The following PCDH15 variants were observed in gnomAD, a reference collection of about 807,000 sequenced individuals.
The protein encoded by PCDH15 is protocadherin related 15.
Under a neutral mutation model 178.5 loss-of-function variants are expected in PCDH15, and 129 were observed. That is an observed-to-expected ratio of 0.72 (90% CI 0.63 to 0.84). The LOEUF (loss-of-function observed/expected upper bound fraction) is 0.84, where lower values mean the gene tolerates loss of function less well. Among genes scored for constraint, PCDH15 ranks in the 40% least tolerant of loss-of-function variants. PCDH15 has a pLI of 0.00. For synonymous variants in PCDH15, 800 were observed against 732.0 expected (o/e 1.09, Z -1.50); for missense variants, 2,230 against 2,099.9 (o/e 1.06, Z -1.21).
chr10:53,986,536 T>G (rs1482024531), intron 21 of PCDH15, among the ~76,000 whole-genome samples: 1 of 152,250 alleles, frequency 6.6e-6, no homozygotes, highest in East Asian at 1.9e-4. Flanking sequence ...CCATGTGTAC[T>G]GAAGCATTAT....
intron 1 of PCDH15, among the ~76,000 whole-genome samples, chr10:55,219,664 T>C (rs1840812966): frequency 6.6e-6 from 1 of 151,804 alleles, no homozygotes; most frequent in Admixed American, 6.6e-5. Flanking sequence ...TCACAAAAGT[T>C]TTAAGGAAAA....
chr10:55,448,619 A>C (rs1051862620), intron 2 of PCDH15, among the ~76,000 whole-genome samples: 1 of 152,018 alleles, frequency 6.6e-6, no homozygotes, highest in Non-Finnish European at 1.5e-5. Flanking sequence ...TGAAAGGGCA[A>C]TGATTAACTA....
intron 2 of PCDH15, among the ~76,000 whole-genome samples, chr10:55,618,658 A>G (rs1022484404): frequency 5.9e-5 from 9 of 152,062 alleles, no homozygotes; most frequent in African/African-American, 2.2e-4. Context: ...AAGTCTTGTG[A>G]TACTCATGTG....
chr10:54,015,569 C>G (rs1216212142), intron 20 of PCDH15, among the ~76,000 whole-genome samples: 1 of 152,070 alleles, frequency 6.6e-6, no homozygotes, highest in African/African-American at 2.4e-5. Context: ...ACCAATGGAA[C>G]AGAATAGAGA....
At chr10:55,401,064 G>A (rs1349001658) in intron 2 of PCDH15, among the ~76,000 whole-genome samples, 18 of 152,076 alleles carry the variant, frequency 1.2e-4, no homozygotes, top group Non-Finnish European at 1.5e-5. Context: ...AGATTAAGTA[G>A]ACATTTTATG....
At chr10:54,455,747 C>T (rs1409077967) in intron 3 of PCDH15, among the ~76,000 whole-genome samples, 1 of 152,128 alleles carries the variant, frequency 6.6e-6, no homozygotes, top group East Asian at 1.9e-4. Flanking sequence ...AATAGCCCCT[C>T]CCATCACAGG....
intron 1 of PCDH15, among the ~76,000 whole-genome samples, chr10:55,180,677 G>A (rs1022429706): frequency 6.6e-6 from 1 of 152,080 alleles, no homozygotes; most frequent in East Asian, 1.9e-4. Context: ...TAAAATGATA[G>A]ATTGTAAATT....
At chr10:54,744,109 T>C (rs1466040193) in intron 1 of PCDH15, among the ~76,000 whole-genome samples, 3 of 152,148 alleles carry the variant, frequency 2.0e-5, no homozygotes, top group Non-Finnish European at 4.4e-5. Flanking sequence ...TGTGAGATGC[T>C]TTATGGATAA....
At chr10:54,697,674 GGGAAGGGA>G (rs201579413) in intron 1 of PCDH15, among the ~76,000 whole-genome samples, 21 of 123,364 alleles carry the variant, frequency 1.7e-4, no homozygotes, top group African/African-American at 4.2e-4. Flanking sequence ...AAGGGGGAAG[GGGAAGGGA>G]GGAAGGGAGG....
chr10:55,193,828 C>T (rs1043302762), intron 1 of PCDH15, among the ~76,000 whole-genome samples: 1 of 151,742 alleles, frequency 6.6e-6, no homozygotes, highest in African/African-American at 2.4e-5. Flanking sequence ...TTATATATAT[C>T]CCAGAGGTTA....
At chr10:54,112,861 A>G (rs2095050390) in intron 15 of PCDH15, among the ~76,000 whole-genome samples, 1 of 152,220 alleles carries the variant, frequency 6.6e-6, no homozygotes, top group Non-Finnish European at 1.5e-5. Context: ...CAGTTCAAGA[A>G]GTCTCATGGA....
chr10:54,166,536 G>C (rs1266885729), intron 13 of PCDH15, among the ~76,000 whole-genome samples: 1 of 152,204 alleles, frequency 6.6e-6, no homozygotes, highest in African/African-American at 2.4e-5. Flanking sequence ...AACTGGATGA[G>C]CAAGTTTACT....
intron 2 of PCDH15, among the ~76,000 whole-genome samples, chr10:54,933,735 T>C (rs556949536): frequency 1.3e-5 from 2 of 152,280 alleles, no homozygotes; most frequent in Middle Eastern, 3.4e-3. Flanking sequence ...ATTAATTAGA[T>C]ATTTTAATTA....
At chr10:53,888,321 C>CATATATATAT (rs1564691134) in intron 26 of PCDH15, among the ~76,000 whole-genome samples, 5 of 26,340 alleles carry the variant, frequency 1.9e-4, no homozygotes, top group South Asian at 1.5e-3. Context: ...TATATATGTA[C>CATATATATAT]GTATATATAT....
At chr10:54,863,900 C>A (rs1009370552) in intron 3 of PCDH15, among the ~76,000 whole-genome samples, 2 of 152,058 alleles carry the variant, frequency 1.3e-5, no homozygotes, top group African/African-American at 4.8e-5. Context: ...TTAATTATAT[C>A]AAAAATGTAG....
chr10:55,377,944 A>G (rs903373504), intron 2 of PCDH15, among the ~76,000 whole-genome samples: 2 of 152,148 alleles, frequency 1.3e-5, no homozygotes, highest in African/African-American at 4.8e-5. Context: ...ACTCTCAGCA[A>G]ACTGACACAG....
At chr10:54,011,693 A>G (rs2092591464) in intron 20 of PCDH15, among the ~76,000 whole-genome samples, 1 of 152,180 alleles carries the variant, frequency 6.6e-6, no homozygotes, top group Non-Finnish European at 1.5e-5. Flanking sequence ...ATATTTTGCT[A>G]ATATATTCTT....
intron 2 of PCDH15, among the ~76,000 whole-genome samples, chr10:54,995,724 TG>T (rs911076702): frequency 6.6e-6 from 1 of 151,476 alleles, no homozygotes; most frequent in Admixed American, 6.6e-5. Context: ...AAACCACCAA[TG>T]GGGGGCTTCA....
intron 23 of PCDH15, among the ~76,000 whole-genome samples, chr10:53,941,184 G>C (rs1207044163): frequency 6.6e-6 from 1 of 152,104 alleles, no homozygotes; most frequent in East Asian, 1.9e-4. Context: ...ATCACTGAAA[G>C]TCCATCATTT....
Sources: allele counts gnomAD v4.1 joint callset (sites outside exome capture counted in the v4.1 genomes callset), GRCh38; gene constraint gnomAD v4.1.1; transcripts MANE v1.5; gene names NCBI Gene and HGNC (gene_info 2026-07-23, HGNC 2026-07-21).